IRAK2: variants seen among roughly 807,000 people sequenced by gnomAD.
IRAK2 encodes the protein interleukin-1 receptor-associated kinase-like 2.
Under a neutral mutation model 72.0 loss-of-function variants are expected in IRAK2, and 57 were observed. That is an observed-to-expected ratio of 0.79 (90% CI 0.64 to 0.99). The LOEUF is 0.99. Ranked by LOEUF, IRAK2 falls within the 50% of genes least tolerant of loss-of-function variation. The pLI, the probability that IRAK2 is intolerant of heterozygous loss-of-function variation, is 0.00. For missense variants in IRAK2, 790 were observed against 794.4 expected (o/e 0.99, Z 0.07); for synonymous variants, 293 against 312.7 (o/e 0.94, Z 0.67).
At chr3:10,225,560 T>C (rs1454928773) in intron 9 of IRAK2, among the ~76,000 whole-genome samples, 1 of 152,180 alleles carries the variant, frequency 6.6e-6, no homozygotes, top group East Asian at 1.9e-4. Flanking sequence ...GAATAAATAA[T>C]GTTAGTAAAG....
At chr3:10,218,545 T>G (rs1296303810) in intron 7 of IRAK2, among the ~76,000 whole-genome samples, 1 of 151,820 alleles carries the variant, frequency 6.6e-6, no homozygotes, top group Non-Finnish European at 1.5e-5. Flanking sequence ...TCAGCCCTGG[T>G]GAAGTTTCCC....
intron 2 of IRAK2, among the ~76,000 whole-genome samples, chr3:10,183,877 T>G (rs1295874766): frequency 4.9e-4 from 75 of 152,186 alleles, no homozygotes; most frequent in Admixed American, 4.8e-3. Context: ...GGCTCCTCTA[T>G]TAGCCTTCCA....
intron 10 of IRAK2, among the ~76,000 whole-genome samples, chr3:10,231,300 A>AT (rs1221661198): frequency 4.0e-5 from 6 of 150,840 alleles, no homozygotes; most frequent in Non-Finnish European, 7.4e-5. Flanking sequence ...TTTAATTTTA[A>AT]TTTTTTTTTG....
At chr3:10,241,644 TAATCCTAG>T (rs1296741901) in intron 12 of IRAK2, among the ~76,000 whole-genome samples, 1 of 151,544 alleles carries the variant, frequency 6.6e-6, no homozygotes, top group African/African-American at 2.4e-5. Context: ...CGCCTGTCTG[TAATCCTAG>T]GACTTCGGGA....
chr3:10,226,704 G>A (rs1697781785), intron 10 of IRAK2, among the ~76,000 whole-genome samples: 1 of 151,936 alleles, frequency 6.6e-6, no homozygotes, highest in African/African-American at 2.4e-5. Context: ...GATCATTTGA[G>A]ACCAGGAGTT....
intron 11 of IRAK2, among the ~76,000 whole-genome samples, chr3:10,235,426 TATCTTGAATTACAGGC>T (rs1363834957): frequency 1.3e-5 from 2 of 151,840 alleles, no homozygotes; most frequent in East Asian, 3.9e-4. Context: ...GCCTCCCGAG[TATCTTGAATTACAGGC>T]ATCAGCCGCT....
chr3:10,194,715 C>T (rs1697237238), intron 2 of IRAK2, among the ~76,000 whole-genome samples: 1 of 152,180 alleles, frequency 6.6e-6, no homozygotes. Flanking sequence ...ATGGGCCTGC[C>T]TGTCCACCCA....
At chr3:10,192,803 C>T (rs1332309134) in intron 2 of IRAK2, among the ~76,000 whole-genome samples, 1 of 152,156 alleles carries the variant, frequency 6.6e-6, no homozygotes. Context: ...CCTGTAATCC[C>T]AGCTACTCGG....
chr3:10,199,334 C>G (rs1697318524), intron 2 of IRAK2, among the ~76,000 whole-genome samples: 1 of 152,138 alleles, frequency 6.6e-6, no homozygotes, highest in Non-Finnish European at 1.5e-5. Flanking sequence ...GTTCTTCGGC[C>G]AGTCCTGCGT....
At position 10,165,043 on chromosome 3, in the gene IRAK2, A is replaced by T; in HGVS notation, c.89A>T (p.Glu30Val). ...MDALSEWDWM[E>V]FASYVITDLT... ...GCGCTCAGCGAGTGGGACTGGATGG[A>T]GTTCGGTGAGTGCGGCCCGGGGAGG... The change falls in exon 1 of 13, where the codon GAG (glutamate) becomes GTG (valine). Residue 30 changes from glutamate (E) to valine (V), a missense_variant. Glu to Val is a moderately radical substitution (Grantham distance 121, BLOSUM62 -2). Transcript: ENST00000256458. The T allele has an allele frequency of 6.2e-7, 1 of 1,610,188 alleles. No homozygotes were observed. The highest frequency in any genetic ancestry group is 8.5e-7 in the Non-Finnish European group (1 of 1,179,050).
chr3:10,187,006 T>C (rs1442688954), intron 2 of IRAK2, among the ~76,000 whole-genome samples: 2 of 150,776 alleles, frequency 1.3e-5, no homozygotes, highest in African/African-American at 2.5e-5. Context: ...TTTTGCATTA[T>C]ATCCTTAGTG....
intron 1 of IRAK2, among the ~76,000 whole-genome samples, chr3:10,176,076 T>G (rs59015827): frequency 2.7e-5 from 4 of 146,502 alleles, no homozygotes; most frequent in African/African-American, 7.8e-5. Flanking sequence ...TTTTTTTTTT[T>G]TTTTTTTTTT....
intron 6 of IRAK2, among the ~76,000 whole-genome samples, chr3:10,216,102 A>G (rs1428206161): frequency 3.3e-5 from 5 of 152,210 alleles, no homozygotes; most frequent in Non-Finnish European, 7.3e-5. Flanking sequence ...GGGAGGCTGA[A>G]TCAGAGCCTG....
chr3:10,206,489 T>C (rs1260192328), intron 3 of IRAK2, among the ~76,000 whole-genome samples: 2 of 152,276 alleles, frequency 1.3e-5, no homozygotes, highest in Admixed American at 1.3e-4. Flanking sequence ...TTTCATGTTA[T>C]CAGCTATCTG....
At chr3:10,207,493 C>G (rs1697449700) in intron 3 of IRAK2, among the ~76,000 whole-genome samples, 1 of 152,130 alleles carries the variant, frequency 6.6e-6, no homozygotes, top group South Asian at 2.1e-4. Context: ...TCTGTGCGGA[C>G]CAGCCACCAT....
chr3:10,227,435 G>A (rs369757308), intron 10 of IRAK2, among the ~76,000 whole-genome samples: 76 of 152,178 alleles, frequency 5.0e-4, no homozygotes, highest in African/African-American at 1.8e-3. Context: ...GTGACAGAGT[G>A]AGACCCTCTC....
At chr3:10,165,877 C>T (rs1281780968) in intron 1 of IRAK2, among the ~76,000 whole-genome samples, 3 of 152,052 alleles carry the variant, frequency 2.0e-5, no homozygotes, top group Non-Finnish European at 4.4e-5. Context: ...ACTACAGGCG[C>T]CCGCCACCAC....
At chr3:10,237,929 CTGTGTGTGTGTGTG>C (rs138639711) in intron 11 of IRAK2, among the ~76,000 whole-genome samples, 2 of 138,250 alleles carry the variant, frequency 1.4e-5, no homozygotes, top group African/African-American at 5.4e-5. Flanking sequence ...TATGTGTGCT[CTGTGTGTGTGTGTG>C]TGTGTGTGTG....
intron 1 of IRAK2, among the ~76,000 whole-genome samples, chr3:10,171,788 C>T (rs759196374): frequency 4.8e-4 from 66 of 138,400 alleles, no homozygotes; most frequent in Non-Finnish European, 5.7e-4. Context: ...TTTTTTGAGA[C>T]GGAGTCTCAC....
Sources: gnomAD v4.1 joint callset for allele counts (sites outside exome capture counted in the v4.1 genomes callset) on GRCh38, gnomAD v4.1.1 for gene constraint, MANE v1.5 for transcripts, NCBI Gene and HGNC (gene_info 2026-07-23, HGNC 2026-07-21) for gene names.